AFF3: variants seen among roughly 807,000 people sequenced by gnomAD.
AFF3 encodes AF4/FMR2 family member 3.
AFF3 carries 32 observed loss-of-function variants against 129.7 expected under a neutral mutation model. The ratio of observed to expected loss-of-function variants is 0.25; its 90% CI spans 0.19 to 0.33. The LOEUF is 0.33. Ranked by LOEUF, AFF3 falls within the 10% of genes least tolerant of loss-of-function variation. The pLI is 1.00. For synonymous variants in AFF3, 644 were observed against 635.4 expected (o/e 1.01, Z -0.20); for missense variants, 1,373 against 1,592.0 (o/e 0.86, Z 2.34).
intron 13 of AFF3, among the ~76,000 whole-genome samples, chr2:99,636,264 AACAGGGCC>A (rs1285031736): frequency 1.3e-5 from 2 of 152,168 alleles, no homozygotes; most frequent in Non-Finnish European, 2.9e-5. Flanking sequence ...GAACAGGGTG[AACAGGGCC>A]ACAGGGAGGC....
At chr2:99,833,801 A>T (rs1688671167) in intron 8 of AFF3, among the ~76,000 whole-genome samples, 1 of 152,220 alleles carries the variant, frequency 6.6e-6, no homozygotes, top group Non-Finnish European at 1.5e-5. Context: ...TGCCTGTTAC[A>T]AACATATGTC....
chr2:99,577,613 A>G (rs542272084), intron 18 of AFF3, among the ~76,000 whole-genome samples: 4 of 152,354 alleles, frequency 2.6e-5, no homozygotes, highest in Admixed American at 2.6e-4. Context: ...TAGGACTGCT[A>G]AAGCTGAAAA....
chr2:99,797,732 T>G (rs1244276573), intron 8 of AFF3, among the ~76,000 whole-genome samples: 1 of 151,958 alleles, frequency 6.6e-6, no homozygotes, highest in East Asian at 1.9e-4. Context: ...TTGGAAACAA[T>G]GCAAGTAAGA....
At chr2:99,679,948 GA>G (rs371750133) in intron 11 of AFF3, among the ~76,000 whole-genome samples, 184 of 152,316 alleles carry the variant, frequency 1.2e-3, no homozygotes, top group African/African-American at 4.3e-3. Context: ...CTAGGTGCTA[GA>G]GATATAAAAC....
chr2:99,959,339 C>CAAA (rs34083581), intron 7 of AFF3, among the ~76,000 whole-genome samples: 82 of 66,796 alleles, frequency 1.2e-3, no homozygotes, highest in East Asian at 3.9e-3. Context: ...AAGAGTCTGC[C>CAAA]AAAAAAAAAA....
chr2:99,901,090 A>T (rs1371496995), intron 7 of AFF3, among the ~76,000 whole-genome samples: 1 of 152,254 alleles, frequency 6.6e-6, no homozygotes, highest in Middle Eastern at 3.2e-3. Context: ...GTGTGCATGC[A>T]TGCAATCTGG....
chr2:99,696,818 A>T (rs943987489), intron 11 of AFF3, among the ~76,000 whole-genome samples: 6 of 151,770 alleles, frequency 4.0e-5, no homozygotes, highest in African/African-American at 1.2e-4. Flanking sequence ...TAATTTTAAA[A>T]TTTTTTTTGT....
At chr2:99,560,833 C>T (rs953020545) in intron 20 of AFF3, among the ~76,000 whole-genome samples, 2 of 152,160 alleles carry the variant, frequency 1.3e-5, no homozygotes, top group Non-Finnish European at 1.5e-5. Flanking sequence ...AATTTCCATC[C>T]TGGGTATGCA....
At chr2:100,073,831 A>G (rs772099473) in intron 4 of AFF3, among the ~76,000 whole-genome samples, 2 of 152,198 alleles carry the variant, frequency 1.3e-5, no homozygotes, top group African/African-American at 4.8e-5. Context: ...CCTAAGTTTA[A>G]AATTGTAAAT....
At chr2:100,070,262 C>A (rs1688066580) in intron 4 of AFF3, among the ~76,000 whole-genome samples, 1 of 152,062 alleles carries the variant, frequency 6.6e-6, no homozygotes, top group Middle Eastern at 3.4e-3. Flanking sequence ...AAAGGTTAAA[C>A]TCCAAGCAGC....
intron 11 of AFF3, among the ~76,000 whole-genome samples, chr2:99,694,910 C>T (rs1256912993): frequency 1.3e-5 from 2 of 151,928 alleles, no homozygotes; most frequent in Non-Finnish European, 2.9e-5. Context: ...TCACTATGTT[C>T]GTCGGGCTAG....
intron 8 of AFF3, among the ~76,000 whole-genome samples, chr2:99,821,035 T>C (rs61339333): frequency 0.085 from 12,946 of 151,734 alleles, 1,846 homozygotes; most frequent in African/African-American, 0.29. Flanking sequence ...ACCATGCCTG[T>C]CTGATTTTTG....
At chr2:99,872,193 G>A (rs1480636403) in intron 7 of AFF3, among the ~76,000 whole-genome samples, 46 of 115,866 alleles carry the variant, frequency 4.0e-4, no homozygotes, top group Non-Finnish European at 6.6e-4. Flanking sequence ...GGGCAACACA[G>A]CGAGACTCCA....
intron 13 of AFF3, among the ~76,000 whole-genome samples, chr2:99,633,688 A>G (rs1683343535): frequency 6.6e-6 from 1 of 152,028 alleles, no homozygotes. Flanking sequence ...AGATGGGATT[A>G]GCTCTCATGG....
intron 13 of AFF3, among the ~76,000 whole-genome samples, chr2:99,633,004 A>C (rs536523835): frequency 6.6e-6 from 1 of 152,150 alleles, no homozygotes; most frequent in Non-Finnish European, 1.5e-5. Context: ...GCCAATGGCG[A>C]ATCATGTCGC....
intron 2 of AFF3, among the ~76,000 whole-genome samples, chr2:100,116,831 T>C (rs990251646): frequency 6.6e-6 from 1 of 152,154 alleles, no homozygotes; most frequent in Non-Finnish European, 1.5e-5. Flanking sequence ...GTATTTCCTG[T>C]GTTTCCACTG....
chr2:100,020,162 T>C (rs1365755933), intron 4 of AFF3, among the ~76,000 whole-genome samples: 5 of 152,094 alleles, frequency 3.3e-5, no homozygotes, highest in Non-Finnish European at 7.4e-5. Flanking sequence ...AACTTCCTCA[T>C]GGGGCAATCC....
chr2:100,058,512 A>G (rs1686985848), intron 4 of AFF3, among the ~76,000 whole-genome samples: 1 of 152,386 alleles, frequency 6.6e-6, no homozygotes, highest in East Asian at 1.9e-4. Context: ...AAACAGCCAC[A>G]TAGGTGCAAT....
At chr2:99,955,608 T>C (rs1032556409) in intron 7 of AFF3, among the ~76,000 whole-genome samples, 1 of 152,238 alleles carries the variant, frequency 6.6e-6, no homozygotes, top group Non-Finnish European at 1.5e-5. Context: ...CTAATTCTTC[T>C]ATAGCCAAAT....
Sources: allele counts gnomAD v4.1 joint callset (sites outside exome capture counted in the v4.1 genomes callset), GRCh38; gene constraint gnomAD v4.1.1; transcripts MANE v1.5; gene names NCBI Gene and HGNC (gene_info 2026-07-23, HGNC 2026-07-21).